GNAT3: variants seen among roughly 807,000 people sequenced by gnomAD.
GNAT3 encodes the protein guanine nucleotide-binding protein G(t) subunit alpha-3.
GNAT3 carries 31 observed loss-of-function variants against 37.7 expected under a neutral mutation model. The ratio of observed to expected loss-of-function variants is 0.82; its 90% CI spans 0.62 to 1.11. The LOEUF (loss-of-function observed/expected upper bound fraction) is 1.11, where lower values mean the gene tolerates loss of function less well. GNAT3 is among the 50% of genes most tolerant of loss of function. The probability of loss-of-function intolerance (pLI) is 0.00; values close to 1 mark genes in which losing one functional copy is unlikely to be tolerated. For missense variants in GNAT3, 437 were observed against 412.5 expected (o/e 1.06, Z -0.51); for synonymous variants, 138 against 139.8 (o/e 0.99, Z 0.09).
intron 2 of GNAT3, among the ~76,000 whole-genome samples, chr7:80,490,574 A>G (rs1790572860): frequency 6.6e-6 from 1 of 152,190 alleles, no homozygotes; most frequent in African/African-American, 2.4e-5. Flanking sequence ...AGATGGTCAA[A>G]AGGAGAGAGA....
chr7:80,490,376 C>G (rs1790569143), intron 2 of GNAT3, among the ~76,000 whole-genome samples: 1 of 152,070 alleles, frequency 6.6e-6, no homozygotes, highest in African/African-American at 2.4e-5. Context: ...TTGAAGAGGA[C>G]TGAGTTATAA....
chr7:80,468,374 G>T (rs1415636851), intron 5 of GNAT3, among the ~76,000 whole-genome samples: 2 of 151,982 alleles, frequency 1.3e-5, no homozygotes, highest in Non-Finnish European at 2.9e-5. Flanking sequence ...GCTACTGCAG[G>T]TAATTTATTT....
chr7:80,478,768 C>T, intron 4 of GNAT3, 73 bp downstream of exon 4: 2 of 1,418,904 alleles, frequency 1.4e-6, no homozygotes, highest in Non-Finnish European at 1.9e-6. Flanking sequence ...TTTACAAATG[C>T]AAAGTATGCA....
chr7:80,479,527 CT>C (rs1173046002), intron 3 of GNAT3, among the ~76,000 whole-genome samples: 1 of 151,598 alleles, frequency 6.6e-6, no homozygotes, highest in Non-Finnish European at 1.5e-5. Flanking sequence ...TGAGACCAGC[CT>C]GGGCAACATG....
At chr7:80,460,878 G>C (rs1247397446) in intron 7 of GNAT3, among the ~76,000 whole-genome samples, 1 of 152,072 alleles carries the variant, frequency 6.6e-6, no homozygotes, top group Non-Finnish European at 1.5e-5. Flanking sequence ...AACTGTAGGA[G>C]GGGATGGGAA....
At chr7:80,503,004 C>G (rs1001053789) in intron 1 of GNAT3, among the ~76,000 whole-genome samples, 6 of 152,080 alleles carry the variant, frequency 3.9e-5, no homozygotes, top group Non-Finnish European at 7.4e-5. Flanking sequence ...CTACCTTTAT[C>G]CTCCTCATTA....
At chr7:80,460,345 C>A (rs920357589) in intron 7 of GNAT3, among the ~76,000 whole-genome samples, 2 of 152,092 alleles carry the variant, frequency 1.3e-5, no homozygotes, top group Non-Finnish European at 2.9e-5. Context: ...TGGGGGAACA[C>A]AGGGGATTTT....
At chr7:80,490,189 G>T (rs531139200) in intron 2 of GNAT3, among the ~76,000 whole-genome samples, 3 of 152,190 alleles carry the variant, frequency 2.0e-5, no homozygotes, top group African/African-American at 7.2e-5. Context: ...ATAGACTAGA[G>T]CTCCTCTGTA....
At chr7:80,463,983 A>G (rs2906198) in intron 5 of GNAT3, among the ~76,000 whole-genome samples, 47,742 of 151,132 alleles carry the variant, frequency 0.32, 8,117 homozygotes, top group East Asian at 0.66. Flanking sequence ...AATAATTATC[A>G]ATTTATCCAC....
chr7:80,482,620 T>G (rs1790410056), intron 3 of GNAT3, among the ~76,000 whole-genome samples: 1 of 151,686 alleles, frequency 6.6e-6, no homozygotes, highest in African/African-American at 2.4e-5. Context: ...TTCAAGCGAT[T>G]CTCCTGCCTC....
chr7:80,500,176 G>C (rs993749379), intron 1 of GNAT3, among the ~76,000 whole-genome samples: 1 of 151,286 alleles, frequency 6.6e-6, no homozygotes, highest in African/African-American at 2.4e-5. Flanking sequence ...ACTCCTGGTG[G>C]GCTTGTTTAT....
chr7:80,494,096 C>T (rs567640457), intron 2 of GNAT3, among the ~76,000 whole-genome samples: 1 of 152,276 alleles, frequency 6.6e-6, no homozygotes, highest in East Asian at 1.9e-4. Context: ...ACACTGCATT[C>T]TTTTGTCATT....
At position 80,493,704 on chromosome 7, in the gene GNAT3, TTGTTCCTCCTCCTTCTCTTTCC is replaced by T. The variant is rs1471255761; in HGVS notation, c.161+879_161+900del. On this transcript the variant is annotated intron_variant, in intron 2 of 7. Transcript: ENST00000398291. Reference sequence around the variant, plus strand: ...TCCTCCTCTTTCCTCCTCCTCCTCTTTGTTCCTCCTCCTTCTCTTTCCTCCTCCTCCTCCTCTTTCCTCCTCC... The same window carrying T: ...TCCTCCTCTTTCCTCCTCCTCCTCTTTCCTCCTCCTCCTCTTTCCTCCTCC... 1.5e-4 allele frequency among the ~76,000 whole-genome samples: 15 copies of T among 102,286 alleles called. 1 individual carries two copies. Among genetic ancestry groups the T allele is most frequent in the African/African-American group, 6.2e-4 (13 of 20,874 alleles). The allele number at this position is 102,286 out of a possible 152,430, so 67.1% of individuals were successfully genotyped here.
chr7:80,499,063 T>A (rs558160639), intron 1 of GNAT3, among the ~76,000 whole-genome samples: 1 of 152,192 alleles, frequency 6.6e-6, no homozygotes, highest in Admixed American at 6.5e-5. Flanking sequence ...CATTGTGACT[T>A]GTAATCACAC....
chr7:80,507,480 T>C (rs994549496), intron 1 of GNAT3, among the ~76,000 whole-genome samples: 9 of 152,046 alleles, frequency 5.9e-5, no homozygotes, highest in African/African-American at 2.2e-4. Flanking sequence ...ATTTATTTCA[T>C]ATTTGGGAAT....
intron 4 of GNAT3, among the ~76,000 whole-genome samples, chr7:80,475,260 A>C (rs2116163661): frequency 6.6e-6 from 1 of 152,036 alleles, no homozygotes; most frequent in East Asian, 1.9e-4. Context: ...AACAGGAATA[A>C]GTCTAATTAA....
chr7:80,483,676 T>C (rs976312199), intron 3 of GNAT3, among the ~76,000 whole-genome samples: 4 of 151,936 alleles, frequency 2.6e-5, no homozygotes, highest in African/African-American at 4.8e-5. Context: ...GAACAATTTG[T>C]TGCTCCTTGA....
intron 1 of GNAT3, among the ~76,000 whole-genome samples, 200 bp from the exon 2 acceptor site, chr7:80,494,847 A>G (rs1477031272): frequency 1.3e-5 from 2 of 152,098 alleles, no homozygotes; most frequent in Non-Finnish European, 2.9e-5. Flanking sequence ...TGTGCATTGT[A>G]CCCAACAGGT....
At chr7:80,506,339 T>G (rs10499853) in intron 1 of GNAT3, among the ~76,000 whole-genome samples, 8,278 of 152,252 alleles carry the variant, frequency 0.054, 795 homozygotes, top group African/African-American at 0.19. Context: ...TTGCATCTTT[T>G]ACGCGAGTGC....
Sources: allele counts gnomAD v4.1 joint callset (sites outside exome capture counted in the v4.1 genomes callset), GRCh38; gene constraint gnomAD v4.1.1; transcripts MANE v1.5; gene names NCBI Gene and HGNC (gene_info 2026-07-23, HGNC 2026-07-21).